Variants in RAB6A observed in about 807,000 individuals in gnomAD.
RAB6A encodes ras-related protein Rab-6A.
Under a neutral mutation model 32.3 loss-of-function variants are expected in RAB6A, and 8 were observed. That is an observed-to-expected ratio of 0.25 (90% CI 0.15 to 0.45). The LOEUF is 0.45. RAB6A is among the 20% of genes least tolerant of loss of function. The pLI, the probability that RAB6A is intolerant of heterozygous loss-of-function variation, is 1.00. For missense variants in RAB6A, 104 were observed against 249.4 expected (o/e 0.42, Z 3.93); for synonymous variants, 73 against 82.1 (o/e 0.89, Z 0.60).
chr11:73,695,386 T>TG (rs1234527056), intron 6 of RAB6A, among the ~76,000 whole-genome samples: 5 of 151,698 alleles, frequency 3.3e-5, no homozygotes, highest in South Asian at 4.2e-4. Flanking sequence ...TTTGTTTTTT[T>TG]TTTTCTTTTT....
At chr11:73,736,552 G>T (rs1254494835) in intron 1 of RAB6A, among the ~76,000 whole-genome samples, 1 of 152,070 alleles carries the variant, frequency 6.6e-6, no homozygotes. Context: ...AGCACTTTGG[G>T]AGGCCAAGGT....
chr11:73,718,681 C>T lies in RAB6A; in HGVS notation c.221G>A (p.Arg74Gln). Reference sequence around the variant, plus strand: ...GTAGCTAGGAATCAAGCTCCTGAACCGCTCTTGACCTGCTGTGTCCCATAA... The same window carrying T: ...GTAGCTAGGAATCAAGCTCCTGAACTGCTCTTGACCTGCTGTGTCCCATAA... ...LQLWDTAGQE[R>Q]FRSLIPSYIR... The change falls in exon 4 of 8, where the codon CGG (arginine) becomes CAG (glutamine). Residue 74 changes from arginine to glutamine, a missense_variant. By Grantham distance (43) the Arg-to-Gln change is conservative. Around this residue, in one of 4 missense-constraint regions of RAB6A, gnomAD observed 48 missense variants for 155.2 expected, o/e 0.31. Coordinates refer to ENST00000336083, the MANE Select transcript of RAB6A (RefSeq NM_198896.2). 1.2e-6 allele frequency: 2 copies of T among 1,614,044 alleles called. No homozygotes were observed. Among genetic ancestry groups the T allele is most frequent in the Non-Finnish European group, 1.7e-6 (2 of 1,179,978 alleles).
Position 73,720,180 on chromosome 11 carries a change from C to CCT in RAB6A, c.183+665_183+666insAG, listed in dbSNP as rs376656727. Among the ~76,000 whole-genome samples the CCT allele has an allele frequency of 2.3e-5, 3 of 130,704 alleles. No individual in the cohort carries two copies. The Admixed American group carries it at 2.4e-4, about 11-fold the overall frequency. 85.7% of individuals were successfully genotyped at this position (130,704 alleles called of 152,430 possible). A position where few individuals can be genotyped will look rare whatever the true frequency, so the allele number is the denominator to read the frequency against. On this transcript the variant is annotated intron_variant, in intron 3 of 7. Transcript: ENST00000336083. The stretch of plus-strand genomic sequence containing the variant: ...AAATCCAACAAATAAATACACATTA[C>CCT]TTTTTTTTTTTTTTTTTGCAACGGA...
At position 73,739,737 on chromosome 11, in the gene RAB6A, A is replaced by C. The variant is rs77147359; in HGVS notation, c.71-8914T>G. 1.9e-3 allele frequency among the ~76,000 whole-genome samples: 286 copies of C among 152,168 alleles called. 3 individuals carry two copies. Among genetic ancestry groups the C allele is most frequent in the African/African-American group, 6.8e-3 (282 of 41,534 alleles). ...TTGAAGGATACCTAGGATTCACACA[A>C]TCTAAGACTGGTATTTGCATAAAAA... is the stretch of plus-strand genomic sequence containing the variant. On this transcript the variant is annotated intron_variant, in intron 1 of 7. Transcript: ENST00000336083.
At chr11:73,690,250 A>C (rs1945529270) in intron 6 of RAB6A, among the ~76,000 whole-genome samples, 1 of 152,174 alleles carries the variant, frequency 6.6e-6, no homozygotes, top group South Asian at 2.1e-4. Context: ...CACAATGATG[A>C]TGCTTCTCCT....
intron 5 of RAB6A, among the ~76,000 whole-genome samples, chr11:73,707,971 C>G (rs1945876235): frequency 6.6e-6 from 1 of 152,164 alleles, no homozygotes; most frequent in Admixed American, 6.6e-5. Flanking sequence ...GGCTTTTAGC[C>G]TTAAAATTCA....
chr11:73,731,335 G>T (rs541829894), intron 1 of RAB6A, among the ~76,000 whole-genome samples: 10 of 152,002 alleles, frequency 6.6e-5, no homozygotes, highest in Admixed American at 1.3e-4. Flanking sequence ...ACGAGGTCAA[G>T]AGATCGAGAC....
chr11:73,720,298 A>G (rs532517839), intron 3 of RAB6A, among the ~76,000 whole-genome samples: 160 of 150,452 alleles, frequency 1.1e-3, no homozygotes, highest in African/African-American at 3.8e-3. Flanking sequence ...CTCCTGCCTC[A>G]GCCTCCCAAG....
rs1307705306 is a variant in RAB6A, at chr11:73,760,771, G to A, written c.-136C>T. 1 of 1,281,230 alleles carries A rather than the reference G, an allele frequency of 7.8e-7. No individual in the cohort carries two copies. The highest frequency in any genetic ancestry group is 1.1e-6 in the Non-Finnish European group (1 of 926,712). The allele number at this position is 1,281,230 out of a possible 1,614,324, so 79.4% of individuals were successfully genotyped here. On this transcript the variant is annotated 5_prime_UTR_variant, in exon 1 of 8. Transcript: ENST00000336083. ...GGCCCCTGCAAGGCCCGGTGGAGGAGCCCGGCTGGAGGGCAGCAGGACTCT... is the reference window on the plus strand; with the variant it reads ...GGCCCCTGCAAGGCCCGGTGGAGGAACCCGGCTGGAGGGCAGCAGGACTCT...
intron 2 of RAB6A, among the ~76,000 whole-genome samples, chr11:73,723,767 G>A (rs11235879): frequency 6.6e-6 from 1 of 152,068 alleles, no homozygotes; most frequent in Non-Finnish European, 1.5e-5. Context: ...AGCTAATTAA[G>A]TAAAATAGTA....
At chr11:73,713,747 T>C (rs1946004115) in intron 5 of RAB6A, among the ~76,000 whole-genome samples, 1 of 152,184 alleles carries the variant, frequency 6.6e-6, no homozygotes, top group Non-Finnish European at 1.5e-5. Flanking sequence ...TTAAGTCTTT[T>C]ACCCATTTGA....
Position 73,692,481 on chromosome 11 carries a change from C to A in RAB6A, c.496-12761G>T, listed in dbSNP as rs1258987627. Among the ~76,000 whole-genome samples the A allele has an allele frequency of 4.3e-5, 5 of 117,280 alleles. No individual in the cohort carries two copies. In the East Asian group the frequency reaches 9.8e-4, roughly 23 times the overall value. 76.9% of individuals were successfully genotyped at this position (117,280 alleles called of 152,430 possible). On this transcript the variant is annotated intron_variant, in intron 6 of 7. Coordinates refer to ENST00000336083, the MANE Select transcript of RAB6A (RefSeq NM_198896.2). ...TTGCGCCACTGCACTCCGGCCTGAG[C>A]GACAGAGTGAGACTCTGTCTCAAAA...
At chr11:73,756,047 A>C (rs1217486426) in intron 1 of RAB6A, among the ~76,000 whole-genome samples, 1 of 152,078 alleles carries the variant, frequency 6.6e-6, no homozygotes, top group African/African-American at 2.4e-5. Context: ...CCACTGATCT[A>C]GCCAATATAA....
At chr11:73,678,979 G>A in intron 7 of RAB6A, among the ~76,000 whole-genome samples, 1 of 152,032 alleles carries the variant, frequency 6.6e-6, no homozygotes, top group Non-Finnish European at 1.5e-5. Context: ...ACCTGCCTTG[G>A]CCTCCCAAAG....
chr11:73,712,764 T>C (rs908754456), intron 5 of RAB6A, among the ~76,000 whole-genome samples: 1 of 144,024 alleles, frequency 6.9e-6, no homozygotes, highest in African/African-American at 2.5e-5. Context: ...CTGTCACCCA[T>C]GCTGGGGTGC....
intron 6 of RAB6A, among the ~76,000 whole-genome samples, chr11:73,693,675 A>G (rs1945612561): frequency 6.6e-6 from 1 of 151,510 alleles, no homozygotes; most frequent in Non-Finnish European, 1.5e-5. Flanking sequence ...ACTTGAGCTC[A>G]GGGGTTCAAG....
At chr11:73,751,281 C>T (rs766840980) in intron 1 of RAB6A, among the ~76,000 whole-genome samples, 1 of 152,086 alleles carries the variant, frequency 6.6e-6, no homozygotes, top group Non-Finnish European at 1.5e-5. Context: ...CAGAAAGACC[C>T]CGTCTCAAAA....
chr11:73,709,167 A>G (rs948247225), intron 5 of RAB6A, among the ~76,000 whole-genome samples: 1 of 152,100 alleles, frequency 6.6e-6, no homozygotes, highest in Admixed American at 6.6e-5. Context: ...TAAATCTGGG[A>G]ATTAACATCA....
chr11:73,724,581 G>A (rs1480480833), intron 2 of RAB6A, among the ~76,000 whole-genome samples: 2 of 151,636 alleles, frequency 1.3e-5, no homozygotes, highest in African/African-American at 4.8e-5. Flanking sequence ...CGCCTCCCGG[G>A]GTTCACGCCA....
Sources: gnomAD v4.1 joint callset for allele counts (sites outside exome capture counted in the v4.1 genomes callset) on GRCh38, gnomAD v4.1.1 for gene constraint, gnomAD v4.1.1 regional missense constraint, MANE v1.5 for transcripts, NCBI Gene and HGNC (gene_info 2026-07-23, HGNC 2026-07-21) for gene names.